The following ITPR1 variants were observed in gnomAD, a reference collection of about 807,000 sequenced individuals.
ITPR1 encodes inositol 1,4,5-trisphosphate-gated calcium channel ITPR1.
A neutral mutation model predicts 318.4 loss-of-function variants in ITPR1; 96 were observed. The observed-to-expected ratio is 0.30, with a 90% CI of 0.26 to 0.36. The LOEUF (loss-of-function observed/expected upper bound fraction) is 0.36, where lower values mean the gene tolerates loss of function less well. Among genes scored for constraint, ITPR1 ranks in the 10% least tolerant of loss-of-function variants. ITPR1 has a pLI of 1.00. For synonymous variants in ITPR1, 1,312 were observed against 1,289.9 expected (o/e 1.02, Z -0.37); for missense variants, 2,440 against 3,460.2 (o/e 0.71, Z 7.40).
intron 60 of ITPR1, among the ~76,000 whole-genome samples, chr3:4,820,698 G>A (rs1575376697): frequency 1.3e-5 from 2 of 152,364 alleles, no homozygotes; most frequent in East Asian, 3.9e-4. Flanking sequence ...TAAAGTTGTT[G>A]CAGAACCAGA....
Position 4,766,565 on chromosome 3 carries a change from G to A in ITPR1, c.5580G>A (p.Lys1860=). 1 of 1,613,830 alleles carries A rather than the reference G, an allele frequency of 6.2e-7. No individual in the cohort carries two copies. Among genetic ancestry groups the A allele is most frequent in the Non-Finnish European group, 8.5e-7 (1 of 1,179,760 alleles). The stretch of plus-strand genomic sequence containing the variant: ...TCTGTCGCTTGACAGAAGATAAGAA[G>A]TCAGAGAAATTCTTTAAGGTGTTTT... ...SFFCRLTEDK[K]SEKFFKVFYD... The change falls in exon 45 of 62, where the codon AAG becomes AAA. Residue 1860 remains lysine, a synonymous_variant. Transcript: ENST00000649015.
chr3:4,779,160 C>G lies in ITPR1; in HGVS notation c.6292-390C>G, dbSNP rs2046660588. On this transcript the variant is annotated intron_variant, in intron 48 of 61. Coordinates refer to ENST00000649015, the MANE Select transcript of ITPR1 (RefSeq NM_001378452.1). This position sits in a 1 kb window ranked among gnomAD's most constrained non-coding sequence, Gnocchi z 4.0. ...AAATAACAGTTTGTAACCACACCTGCCCGGAAGGCAGCACAGATCTGTGTA... is the reference window on the plus strand; with the variant it reads ...AAATAACAGTTTGTAACCACACCTGGCCGGAAGGCAGCACAGATCTGTGTA... Among the ~76,000 whole-genome samples, 1 of 152,264 alleles carries G rather than the reference C, an allele frequency of 6.6e-6. No individual in the cohort carries two copies. Among genetic ancestry groups the G allele is most frequent in the African/African-American group, 2.4e-5 (1 of 41,476 alleles).
chr3:4,601,546 A>G (rs1337967778), intron 4 of ITPR1, among the ~76,000 whole-genome samples: 1 of 152,066 alleles, frequency 6.6e-6, no homozygotes, highest in Non-Finnish European at 1.5e-5. Context: ...ACTGTATGCA[A>G]AAGTTAACTC....
At chr3:4,782,380 T>C (rs2046892304) in intron 49 of ITPR1, 2 of 341,118 alleles carry the variant, frequency 5.9e-6, no homozygotes, top group Non-Finnish European at 1.1e-5. Context: ...AGCCACAGCA[T>C]GTCTCTTGGT....
At chr3:4,559,705 T>C (rs2086484432) in intron 4 of ITPR1, among the ~76,000 whole-genome samples, 1 of 152,196 alleles carries the variant, frequency 6.6e-6, no homozygotes, top group Non-Finnish European at 1.5e-5. Flanking sequence ...AGCCATTTTA[T>C]TAAGTGTTTT....
chr3:4,789,148 C>G (rs923867104), intron 52 of ITPR1, among the ~76,000 whole-genome samples: 2 of 152,224 alleles, frequency 1.3e-5, no homozygotes, highest in Non-Finnish European at 2.9e-5. Flanking sequence ...TTGCTCGTCT[C>G]TAAGGGGCAC....
At chr3:4,500,019 C>G (rs1304125966) in intron 2 of ITPR1, among the ~76,000 whole-genome samples, 1 of 152,198 alleles carries the variant, frequency 6.6e-6, no homozygotes, top group Non-Finnish European at 1.5e-5. Flanking sequence ...CATTAGTTCT[C>G]TCGTCAGTGA....
chr3:4,835,197 T>C (rs903127747), intron 60 of ITPR1, among the ~76,000 whole-genome samples: 1 of 148,516 alleles, frequency 6.7e-6, no homozygotes, highest in Non-Finnish European at 1.5e-5. Flanking sequence ...ATATTTTTCA[T>C]CTAGCTCTCT....
intron 4 of ITPR1, among the ~76,000 whole-genome samples, chr3:4,606,165 C>A (rs1402887411): frequency 1.3e-5 from 2 of 152,132 alleles, no homozygotes; most frequent in Non-Finnish European, 2.9e-5. Context: ...GGTCACCATA[C>A]CCATTGCACA....
chr3:4,743,030 G>T (rs944678506), intron 44 of ITPR1, among the ~76,000 whole-genome samples: 1 of 152,238 alleles, frequency 6.6e-6, no homozygotes, highest in Non-Finnish European at 1.5e-5. Flanking sequence ...AGTAATTGCG[G>T]TTTTTGCCAC....
chr3:4,541,370 A>T (rs1331255150), intron 4 of ITPR1, among the ~76,000 whole-genome samples: 1 of 152,156 alleles, frequency 6.6e-6, no homozygotes, highest in African/African-American at 2.4e-5. Flanking sequence ...TTAGAATTGT[A>T]GATTGATGGG....
At position 4,645,642 on chromosome 3, in the gene ITPR1, A is replaced by T; in HGVS notation, c.769A>T (p.Arg257Trp). Residue 257 changes from arginine (R) to tryptophan (W), a missense_variant, in exon 10 of 62, where the codon AGG (arginine) becomes TGG (tryptophan). By Grantham distance (101) the Arg-to-Trp change is moderately radical. Around this residue, in one of 23 missense-constraint regions of ITPR1, gnomAD observed 186 missense variants for 323.9 expected, o/e 0.57. Coordinates refer to ENST00000649015, the MANE Select transcript of ITPR1 (RefSeq NM_001378452.1). ...QEKFLTCDEH[R>W]KKQHVFLRTT... The stretch of plus-strand genomic sequence containing the variant: ...GAAGTTTCTCACCTGTGACGAACAC[A>T]GGAAGAAGCAGCACGTCTTCCTGAG... 1 of 1,613,390 alleles carries T rather than the reference A, an allele frequency of 6.2e-7. No homozygotes were observed. Among genetic ancestry groups the T allele is most frequent in the Middle Eastern group, 1.6e-4 (1 of 6,062 alleles).
intron 19 of ITPR1, among the ~76,000 whole-genome samples, chr3:4,670,272 A>G (rs962489072): frequency 1.3e-5 from 2 of 152,260 alleles, no homozygotes; most frequent in African/African-American, 2.4e-5. Flanking sequence ...CTTAAAAAAC[A>G]TACTAAATTA....
chr3:4,602,734 G>A (rs557720243), intron 4 of ITPR1, among the ~76,000 whole-genome samples: 62 of 152,180 alleles, frequency 4.1e-4, no homozygotes, highest in African/African-American at 1.5e-3. Flanking sequence ...TGCAAACCTC[G>A]TGCTAAGTGA....
chr3:4,581,230 C>T (rs2089304580), intron 4 of ITPR1, among the ~76,000 whole-genome samples: 1 of 152,204 alleles, frequency 6.6e-6, no homozygotes, highest in African/African-American at 2.4e-5. Context: ...GAGGACCAGG[C>T]AAGGTCAGCA....
intron 2 of ITPR1, among the ~76,000 whole-genome samples, chr3:4,497,031 G>A (rs73807270): frequency 0.014 from 2,118 of 149,804 alleles, 57 homozygotes; most frequent in African/African-American, 0.05. Flanking sequence ...TGCATTTGCA[G>A]GCTGTCTGTT....
chr3:4,661,094 C>T lies in ITPR1; in HGVS notation c.1251+7C>T, dbSNP rs773078694. 2.4e-5 allele frequency: 37 copies of T among 1,540,780 alleles called. No homozygotes were observed. The Admixed American group carries it at 6.0e-4, about 25-fold the overall frequency. On this transcript the variant is annotated splice_region_variant and intron_variant, in intron 14 of 61. Transcript: ENST00000649015. ...AAAGCCCGTGATGCTGAAAGTAAGT[C>T]CTGGGACTTGCCTGTCTCCTTTTGG...
At chr3:4,579,845 T>C (rs1177623546) in intron 4 of ITPR1, among the ~76,000 whole-genome samples, 1 of 152,192 alleles carries the variant, frequency 6.6e-6, no homozygotes, top group Non-Finnish European at 1.5e-5. Flanking sequence ...CCCCCAAAGA[T>C]TCCAGGCATA....
intron 6 of ITPR1, among the ~76,000 whole-genome samples, chr3:4,640,941 C>A (rs887191286): frequency 2.6e-5 from 4 of 152,152 alleles, no homozygotes; most frequent in African/African-American, 9.7e-5. Context: ...GTTGGGAAGA[C>A]GTTGCCTTCT....
Sources: allele counts gnomAD v4.1 joint callset (sites outside exome capture counted in the v4.1 genomes callset), GRCh38; gene constraint gnomAD v4.1.1; regional missense constraint gnomAD v4.1.1; non-coding constraint Gnocchi (gnomAD v3.1); transcripts MANE v1.5; gene names NCBI Gene and HGNC (gene_info 2026-07-23, HGNC 2026-07-21).